PLPPR1: variants seen among roughly 807,000 people sequenced by gnomAD.
PLPPR1 encodes the protein phospholipid phosphatase-related protein type 1.
Under a neutral mutation model 33.1 loss-of-function variants are expected in PLPPR1, and 10 were observed. That is an observed-to-expected ratio of 0.30 (90% CI 0.19 to 0.51). The LOEUF (loss-of-function observed/expected upper bound fraction) is 0.51, where lower values mean the gene tolerates loss of function less well. Ranked by LOEUF, PLPPR1 falls within the 20% of genes least tolerant of loss-of-function variation. PLPPR1 has a pLI of 0.97. For missense variants in PLPPR1, 304 were observed against 408.1 expected, an observed-to-expected ratio of 0.74 and a Z score of 2.20; for synonymous variants, 151 against 151.0, an observed-to-expected ratio of 1.00 and a Z score of 0.00.
chr9:101,155,113 A>T (rs1256839648), intron 1 of PLPPR1, among the ~76,000 whole-genome samples: 1 of 151,748 alleles, frequency 6.6e-6, no homozygotes, highest in Non-Finnish European at 1.5e-5. Flanking sequence ...AGTATAATAA[A>T]AAAAAAAGAA....
chr9:101,092,174 G>A lies in PLPPR1; in HGVS notation c.-46+63072G>A, dbSNP rs566707731. 2.0e-5 allele frequency among the ~76,000 whole-genome samples: 3 copies of A among 152,194 alleles called. No homozygotes were observed. In the East Asian group the frequency reaches 5.8e-4, roughly 29 times the overall value. ...CACATTGTGTTTCTATCTTTGTCTT[G>A]CTAAAGTCTACTTCTCTTTCAGGTG... On this transcript the variant is annotated intron_variant, in intron 1 of 7. Coordinates refer to ENST00000374874, the MANE Select transcript of PLPPR1 (RefSeq NM_207299.2).
intron 1 of PLPPR1, among the ~76,000 whole-genome samples, chr9:101,079,308 T>C: frequency 6.6e-6 from 1 of 152,226 alleles, no homozygotes; most frequent in African/African-American, 2.4e-5. Context: ...TAAAATCCTC[T>C]GTTTCCTGAA....
At chr9:101,030,713 T>G (rs890914859) in intron 1 of PLPPR1, among the ~76,000 whole-genome samples, 3 of 152,038 alleles carry the variant, frequency 2.0e-5, no homozygotes. Context: ...CCAGTACTTA[T>G]GCCTGCTGCT....
chr9:101,245,732 A>C (rs1483029782), intron 2 of PLPPR1, among the ~76,000 whole-genome samples: 1 of 151,802 alleles, frequency 6.6e-6, no homozygotes, highest in Non-Finnish European at 1.5e-5. Context: ...TGGTTCCCTC[A>C]TCTGTAACTG....
In PLPPR1 at chr9:101,289,371, C is replaced by A. The variant is rs147453626; in HGVS notation, c.385+3135C>A. ...TCTGTTACTCCTATTAATTTATGAT[C>A]GCTTGGAGAACAGAAGTTGTATCTT... On this transcript the variant is annotated intron_variant, in intron 4 of 7. Coordinates refer to ENST00000374874, the MANE Select transcript of PLPPR1 (RefSeq NM_207299.2). Among the ~76,000 whole-genome samples, 289 of 152,292 alleles carry A rather than the reference C, an allele frequency of 1.9e-3. 3 individuals carry two copies. The highest frequency in any genetic ancestry group is 6.8e-3 in the East Asian group (35 of 5,184).
At chr9:101,244,252 G>C (rs1414961586) in intron 2 of PLPPR1, among the ~76,000 whole-genome samples, 5 of 151,878 alleles carry the variant, frequency 3.3e-5, no homozygotes, top group Non-Finnish European at 5.9e-5. Context: ...AATGTAAACA[G>C]ATTGAGTAAA....
chr9:101,088,349 C>T (rs1007944512), intron 1 of PLPPR1, among the ~76,000 whole-genome samples: 5 of 151,784 alleles, frequency 3.3e-5, no homozygotes, highest in East Asian at 1.9e-4. Flanking sequence ...TATATTAAAA[C>T]GTCATGATGT....
At chr9:101,271,401 C>T (rs926198089) in intron 3 of PLPPR1, among the ~76,000 whole-genome samples, 5 of 152,188 alleles carry the variant, frequency 3.3e-5, no homozygotes, top group Admixed American at 2.0e-4. Flanking sequence ...GCTCTTTGCC[C>T]TCTTTGGAAT....
chr9:101,045,188 C>G (rs1830130100), intron 1 of PLPPR1, among the ~76,000 whole-genome samples: 1 of 152,172 alleles, frequency 6.6e-6, no homozygotes, highest in Admixed American at 6.5e-5. Context: ...TGCCCTCGAC[C>G]TCTGTAGAGC....
chr9:101,247,916 T>A (rs1827643063), intron 2 of PLPPR1, among the ~76,000 whole-genome samples: 1 of 151,876 alleles, frequency 6.6e-6, no homozygotes. Context: ...TCCAGCTAAG[T>A]TTTTTTTCTG....
intron 1 of PLPPR1, among the ~76,000 whole-genome samples, chr9:101,111,697 A>G (rs1831059343): frequency 6.6e-6 from 1 of 152,220 alleles, no homozygotes; most frequent in African/African-American, 2.4e-5. Flanking sequence ...TTCAAATACC[A>G]GGTAGTGAAA....
chr9:101,143,122 C>A (rs1490682242), intron 1 of PLPPR1, among the ~76,000 whole-genome samples: 2 of 152,112 alleles, frequency 1.3e-5, no homozygotes, highest in Non-Finnish European at 2.9e-5. Context: ...CCAGTTCCTG[C>A]CTGTCTACAA....
chr9:101,049,826 TA>T (rs111630255), intron 1 of PLPPR1, among the ~76,000 whole-genome samples: 1,892 of 145,046 alleles, frequency 0.013, 32 homozygotes, highest in African/African-American at 0.038. Flanking sequence ...AGCCTTGATT[TA>T]AAAAAAAAAA....
At chr9:101,225,623 C>G (rs1325308594) in intron 2 of PLPPR1, among the ~76,000 whole-genome samples, 1 of 152,042 alleles carries the variant, frequency 6.6e-6, no homozygotes. Flanking sequence ...AAGAAGGACC[C>G]AAAGCAGTCA....
chr9:101,227,138 CA>C (rs1475123657), intron 2 of PLPPR1, among the ~76,000 whole-genome samples: 1 of 152,112 alleles, frequency 6.6e-6, no homozygotes, highest in East Asian at 1.9e-4. Flanking sequence ...TATAGATCAG[CA>C]CCTTGAGGGC....
chr9:101,237,816 C>CAT (rs768518442), intron 2 of PLPPR1, among the ~76,000 whole-genome samples: 1,287 of 72,132 alleles, frequency 0.018, 27 homozygotes, highest in African/African-American at 0.071. Flanking sequence ...CCATTGTGTG[C>CAT]ATATATATAT....
At chr9:101,311,375 T>C (rs1342089283) in intron 5 of PLPPR1, among the ~76,000 whole-genome samples, 1 of 152,228 alleles carries the variant, frequency 6.6e-6, no homozygotes, top group Non-Finnish European at 1.5e-5. Context: ...GAGCCGCTAT[T>C]ACATGTCAAA....
intron 1 of PLPPR1, among the ~76,000 whole-genome samples, chr9:101,081,258 C>T (rs1471491750): frequency 1.3e-5 from 2 of 152,044 alleles, no homozygotes; most frequent in African/African-American, 2.4e-5. Context: ...CTCTGTCACC[C>T]GGGCTGGAGT....
Position 101,317,552 on chromosome 9 carries a change from C to G in PLPPR1, c.945+56C>G, listed in dbSNP as rs368281397. The G allele has an allele frequency of 4.4e-4, 666 of 1,525,348 alleles. 9 individuals are homozygous for G. In the South Asian group the frequency reaches 6.3e-3, roughly 15 times the overall value. 94.5% of individuals were successfully genotyped at this position (1,525,348 alleles called of 1,614,324 possible). ...CCACAGGCTGAACACTTTGGGAGGTCAGTATCAATCCATGAATACCACTTA... is the reference window on the plus strand; with the variant it reads ...CCACAGGCTGAACACTTTGGGAGGTGAGTATCAATCCATGAATACCACTTA... On this transcript the variant is annotated intron_variant, in intron 7 of 7. Coordinates refer to ENST00000374874, the MANE Select transcript of PLPPR1 (RefSeq NM_207299.2).
Sources: gnomAD v4.1 joint callset for allele counts (sites outside exome capture counted in the v4.1 genomes callset) on GRCh38, gnomAD v4.1.1 for gene constraint, MANE v1.5 for transcripts, NCBI Gene and HGNC (gene_info 2026-07-23, HGNC 2026-07-21) for gene names.